The following SLC26A4 variants were observed in gnomAD, a reference collection of about 807,000 sequenced individuals.
SLC26A4 encodes the protein pendrin.
Under a neutral mutation model 90.4 loss-of-function variants are expected in SLC26A4, and 93 were observed. The ratio of observed to expected loss-of-function variants is 1.03; its 90% confidence interval spans 0.87 to 1.22. SLC26A4 has a LOEUF of 1.22. Ranked by LOEUF, SLC26A4 falls within the 50% of genes most tolerant of loss-of-function variation. SLC26A4 has a pLI of 0.00. For missense variants in SLC26A4, 1,127 were observed against 946.2 expected (o/e 1.19, Z -2.51); for synonymous variants, 393 against 354.6 (o/e 1.11, Z -1.22).
In SLC26A4 at chr7:107,715,505, T is replaced by C. The variant is rs1792323986; in HGVS notation, c.*59T>C. On this transcript the variant is annotated 3_prime_UTR_variant, in exon 21 of 21. Coordinates refer to ENST00000644269, the MANE Select transcript of SLC26A4 (RefSeq NM_000441.2). ...TACAAGACAAAACTTCCTCAATGCA[T>C]TGACTATTTCTTCAGACTCAAAACA... 2 of 1,255,530 alleles carry C rather than the reference T, an allele frequency of 1.6e-6. No individual in the cohort carries two copies. The highest frequency in any genetic ancestry group is 1.7e-5 in the Admixed American group (1 of 59,580). 77.8% of individuals were successfully genotyped at this position (1,255,530 alleles called of 1,614,324 possible). A position where few individuals can be genotyped will look rare whatever the true frequency, so the allele number is the denominator to read the frequency against.
At chr7:107,665,357 T>C (rs1028087003) in intron 3 of SLC26A4, among the ~76,000 whole-genome samples, 1 of 152,174 alleles carries the variant, frequency 6.6e-6, no homozygotes, top group African/African-American at 2.4e-5. Flanking sequence ...TGATCAAGCA[T>C]GTTCTTAATC....
In SLC26A4 at chr7:107,661,528, G is replaced by T. The variant is rs924615495; in HGVS notation, c.-3-111G>T. 3.3e-6 allele frequency: 4 copies of T among 1,212,098 alleles called. No individual in the cohort carries two copies. In the Admixed American group the frequency reaches 8.0e-5, roughly 24 times the overall value. 75.1% of individuals were successfully genotyped at this position (1,212,098 alleles called of 1,614,324 possible). A position where few individuals can be genotyped will look rare whatever the true frequency, so the allele number is the denominator to read the frequency against. On this transcript the variant is annotated intron_variant, in intron 1 of 20. Transcript: ENST00000644269. This position sits in a 1 kb window ranked among gnomAD's most constrained non-coding sequence, Gnocchi z 5.1. The stretch of plus-strand genomic sequence containing the variant: ...CGCGGACCAGACTCGCGGTGCAGGG[G>T]GGCCTGGCTGCAGCTAACAGGTGAT...
At chr7:107,686,308 CCCTCCCTTCCCTCCCTTT>C (rs1319018345) in intron 8 of SLC26A4, among the ~76,000 whole-genome samples, 1 of 132,298 alleles carries the variant, frequency 7.6e-6, no homozygotes, top group East Asian at 2.7e-4. Context: ...TCCCTCCCTT[CCCTCCCTTCCCTCCCTTT>C]CCTACCTGCA....
chr7:107,709,421 C>T (rs1290427777), intron 18 of SLC26A4, among the ~76,000 whole-genome samples: 1 of 152,180 alleles, frequency 6.6e-6, no homozygotes, highest in African/African-American at 2.4e-5. Context: ...TATAGGTGCA[C>T]AACCACACCT....
intron 3 of SLC26A4, among the ~76,000 whole-genome samples, chr7:107,669,337 A>C (rs1461803340): frequency 6.6e-6 from 1 of 152,226 alleles, no homozygotes; most frequent in East Asian, 1.9e-4. Context: ...AGTATATTTG[A>C]GTAGTAGTGG....
At chr7:107,681,297 C>T (rs570418927) in intron 6 of SLC26A4, among the ~76,000 whole-genome samples, 21 of 152,212 alleles carry the variant, frequency 1.4e-4, no homozygotes, top group African/African-American at 4.6e-4. Context: ...ATTTTGCATG[C>T]ATAATAGCTT....
intron 13 of SLC26A4, among the ~76,000 whole-genome samples, 191 bp from the exon 14 acceptor site, chr7:107,697,851 C>T (rs1317689974): frequency 1.3e-5 from 2 of 152,206 alleles, no homozygotes; most frequent in African/African-American, 4.8e-5. Context: ...GCACAGTTCT[C>T]CCCTCCCCTG....
At chr7:107,691,894 C>A (rs1433759265) in intron 10 of SLC26A4, 2 of 1,275,728 alleles carry the variant, frequency 1.6e-6, no homozygotes, top group East Asian at 5.6e-5. Flanking sequence ...ATTTCCAAAG[C>A]TGTGCACATT....
chr7:107,666,907 G>T (rs1410167486), intron 3 of SLC26A4, among the ~76,000 whole-genome samples: 2 of 152,164 alleles, frequency 1.3e-5, no homozygotes, highest in African/African-American at 2.4e-5. Flanking sequence ...GAGAATGGGT[G>T]TGTCAGCTTG....
chr7:107,673,241 G>A (rs772765217), intron 4 of SLC26A4, among the ~76,000 whole-genome samples: 59 of 151,922 alleles, frequency 3.9e-4, no homozygotes, highest in African/African-American at 1.3e-3. Context: ...CATCATCATC[G>A]TCATGGATAA....
At chr7:107,713,797 C>T (rs1187451826) in intron 20 of SLC26A4, among the ~76,000 whole-genome samples, 1 of 152,032 alleles carries the variant, frequency 6.6e-6, no homozygotes, top group Non-Finnish European at 1.5e-5. Flanking sequence ...AGTAGAGTTC[C>T]CTAGTTATAT....
At position 107,701,882 on chromosome 7, in the gene SLC26A4, A is replaced by G. The variant is rs1346269948; in HGVS notation, c.1859A>G (p.Asp620Gly). The G allele has an allele frequency of 6.2e-6, 10 of 1,613,500 alleles. No individual in the cohort carries two copies. The African/African-American group carries it at 6.7e-5, about 11-fold the overall frequency. Residue 620 changes from aspartate (D) to glycine (G), a missense_variant, in exon 17 of 21, where the codon GAT (aspartate) becomes GGT (glycine). Transcript: ENST00000644269. ...STNNAFEPDE[D>G]IEDLEELDIP... is the part of the protein sequence containing the mutation. ...AATAATGCTTTTGAGCCTGATGAGG[A>G]TATTGAAGATCTGGAGGAACTTGAT... is the stretch of plus-strand genomic sequence containing the variant.
rs1384813639 is a variant in SLC26A4 at position 107,717,768 on chromosome 7, GT to G, written c.*2324del. The stretch of plus-strand genomic sequence containing the variant: ...GCACACATTTAAAAATAAATGTAAA[GT>G]TGTCTTTTAAACTACTCGGATGTGT... On this transcript the variant is annotated 3_prime_UTR_variant, in exon 21 of 21. Transcript: ENST00000644269. 1 of 152,528 alleles carries G rather than the reference GT, an allele frequency of 6.6e-6. No homozygotes were observed. The highest frequency in any genetic ancestry group is 1.5e-5 in the Non-Finnish European group (1 of 68,012). 9.4% of individuals were successfully genotyped at this position (152,528 alleles called of 1,614,324 possible). A position where few individuals can be genotyped will look rare whatever the true frequency, so the allele number is the denominator to read the frequency against.
At chr7:107,667,461 T>TAA (rs60333058) in intron 3 of SLC26A4, among the ~76,000 whole-genome samples, 1 of 39,264 alleles carries the variant, frequency 2.5e-5, no homozygotes, top group African/African-American at 1.1e-4. Flanking sequence ...AGAGAAGGTT[T>TAA]AAAAAAAAAA....
At chr7:107,667,611 G>A (rs903475580) in intron 3 of SLC26A4, among the ~76,000 whole-genome samples, 7 of 151,960 alleles carry the variant, frequency 4.6e-5, no homozygotes, top group Non-Finnish European at 1.0e-4. Flanking sequence ...AGTGAAGGGA[G>A]AATTTGTTTT....
chr7:107,675,228 G>A, intron 6 of SLC26A4, 119 bp downstream of exon 6: 1 of 867,912 alleles, frequency 1.2e-6, no homozygotes, highest in Non-Finnish European at 1.9e-6. Context: ...CACTTTGGAA[G>A]GCCGAGGTGG....
chr7:107,691,787 C>T, intron 10 of SLC26A4: 1 of 1,012,802 alleles, frequency 9.9e-7, no homozygotes, highest in Non-Finnish European at 1.2e-6. Flanking sequence ...ATTTTTTTTG[C>T]AAATATTTCC....
chr7:107,695,870 G>A, intron 12 of SLC26A4, 63 bp from the exon 13 acceptor site: 1 of 867,214 alleles, frequency 1.2e-6, no homozygotes, highest in Non-Finnish European at 2.0e-6. Context: ...TTTATAGGTA[G>A]TTATCACATG....
At chr7:107,691,086 A>G (rs1042171667) in intron 10 of SLC26A4, among the ~76,000 whole-genome samples, 1 of 149,938 alleles carries the variant, frequency 6.7e-6, no homozygotes, top group Non-Finnish European at 1.5e-5. Flanking sequence ...AAAGAACAAC[A>G]AACCCAAACT....
Sources: gnomAD v4.1 joint callset for allele counts (sites outside exome capture counted in the v4.1 genomes callset) on GRCh38, gnomAD v4.1.1 for gene constraint, Gnocchi (gnomAD v3.1) non-coding constraint, MANE v1.5 for transcripts, NCBI Gene and HGNC (gene_info 2026-07-23, HGNC 2026-07-21) for gene names.